SLX4IP: variants seen among roughly 807,000 people sequenced by gnomAD.
SLX4IP encodes protein SLX4IP.
In SLX4IP, 34 loss-of-function variants were observed where a neutral mutation model predicts 32.9. The ratio of observed to expected loss-of-function variants is 1.03; its 90% CI spans 0.79 to 1.38. The LOEUF is 1.38. Ranked by LOEUF, SLX4IP falls within the 40% of genes most tolerant of loss-of-function variation. SLX4IP has a pLI of 0.00. For synonymous variants in SLX4IP, 172 were observed against 171.7 expected (o/e 1.00, Z -0.01); for missense variants, 444 against 479.0 (o/e 0.93, Z 0.68).
intron 6 of SLX4IP, among the ~76,000 whole-genome samples, chr20:10,605,410 G>A (rs2066894609): frequency 6.6e-6 from 1 of 152,148 alleles, no homozygotes; most frequent in Non-Finnish European, 1.5e-5. Flanking sequence ...GCTGCTGAAG[G>A]ATATCCTGGT....
At chr20:10,564,873 A>G (rs945070030) in intron 4 of SLX4IP, among the ~76,000 whole-genome samples, 2 of 152,206 alleles carry the variant, frequency 1.3e-5, no homozygotes. Flanking sequence ...TAACCTTGCC[A>G]ATATTGGGTA....
At chr20:10,476,980 C>T (rs1320165602) in intron 2 of SLX4IP, among the ~76,000 whole-genome samples, 1 of 152,166 alleles carries the variant, frequency 6.6e-6, no homozygotes, top group African/African-American at 2.4e-5. Flanking sequence ...TTCAGCAAAA[C>T]CAAGAGTCTT....
intron 2 of SLX4IP, among the ~76,000 whole-genome samples, chr20:10,555,126 A>T (rs2122495493): frequency 6.6e-6 from 1 of 151,812 alleles, no homozygotes; most frequent in South Asian, 2.1e-4. Flanking sequence ...TTCACTTTAT[A>T]TTTACATCTG....
chr20:10,480,118 G>A (rs1189811442), intron 2 of SLX4IP, among the ~76,000 whole-genome samples: 1 of 152,170 alleles, frequency 6.6e-6, no homozygotes, highest in East Asian at 1.9e-4. Context: ...ACTCGGTTGG[G>A]TGCGGTGGCT....
chr20:10,589,829 A>T (rs1284064594), intron 4 of SLX4IP, among the ~76,000 whole-genome samples: 1 of 152,118 alleles, frequency 6.6e-6, no homozygotes, highest in Non-Finnish European at 1.5e-5. Flanking sequence ...CGAAAGTGAC[A>T]AAGGGTCTCT....
At chr20:10,536,574 C>T (rs1214609435) in intron 2 of SLX4IP, among the ~76,000 whole-genome samples, 1 of 152,160 alleles carries the variant, frequency 6.6e-6, no homozygotes, top group Non-Finnish European at 1.5e-5. Context: ...GGTCTGGCTC[C>T]CTTGGCAAAC....
chr20:10,508,575 A>G (rs1379834111), intron 2 of SLX4IP, among the ~76,000 whole-genome samples: 1 of 152,188 alleles, frequency 6.6e-6, no homozygotes, highest in Admixed American at 6.5e-5. Context: ...AACAGTTGCT[A>G]TATCCATTCA....
intron 6 of SLX4IP, among the ~76,000 whole-genome samples, chr20:10,606,833 C>A (rs1042199452): frequency 6.6e-6 from 1 of 151,870 alleles, no homozygotes; most frequent in Non-Finnish European, 1.5e-5. Flanking sequence ...GTGTTTCTGT[C>A]CATTTTTTTT....
chr20:10,524,666 G>T (rs1362323704), intron 2 of SLX4IP, among the ~76,000 whole-genome samples: 1 of 152,232 alleles, frequency 6.6e-6, no homozygotes, highest in East Asian at 1.9e-4. Context: ...AGCTACAAAA[G>T]TATTAGCTGA....
chr20:10,605,750 A>G (rs2066898886), intron 6 of SLX4IP, among the ~76,000 whole-genome samples: 1 of 152,204 alleles, frequency 6.6e-6, no homozygotes, highest in South Asian at 2.1e-4. Flanking sequence ...TAGGCCAGCC[A>G]TACAAGGCTA....
chr20:10,506,215 G>A (rs2065758643), intron 2 of SLX4IP, among the ~76,000 whole-genome samples: 1 of 152,226 alleles, frequency 6.6e-6, no homozygotes, highest in African/African-American at 2.4e-5. Context: ...ATTAGAGTCT[G>A]TAGTTGACTT....
chr20:10,619,221 T>C (rs2067077993), intron 6 of SLX4IP, among the ~76,000 whole-genome samples: 2 of 149,894 alleles, frequency 1.3e-5, no homozygotes, highest in South Asian at 4.2e-4. Flanking sequence ...TTTTTTCTTT[T>C]TTTTTTTTTT....
At chr20:10,515,585 C>G (rs757037666) in intron 2 of SLX4IP, among the ~76,000 whole-genome samples, 1 of 152,166 alleles carries the variant, frequency 6.6e-6, no homozygotes, top group African/African-American at 2.4e-5. Flanking sequence ...AAAACACTTA[C>G]AATTATAGTG....
chr20:10,515,823 A>T (rs1172542859), intron 2 of SLX4IP, among the ~76,000 whole-genome samples: 1 of 152,182 alleles, frequency 6.6e-6, no homozygotes, highest in Non-Finnish European at 1.5e-5. Flanking sequence ...AAGAGAGATA[A>T]AGTCTTTACA....
At chr20:10,501,283 G>A (rs540153499) in intron 2 of SLX4IP, among the ~76,000 whole-genome samples, 8 of 152,084 alleles carry the variant, frequency 5.3e-5, no homozygotes, top group South Asian at 2.1e-4. Flanking sequence ...AAAAATTTCC[G>A]CTATACTCCA....
At chr20:10,554,207 A>T (rs1028156485) in intron 2 of SLX4IP, among the ~76,000 whole-genome samples, 1 of 152,212 alleles carries the variant, frequency 6.6e-6, no homozygotes, top group Non-Finnish European at 1.5e-5. Flanking sequence ...AGATGGAACC[A>T]TACAGTATAT....
At chr20:10,537,331 G>A (rs2066056332) in intron 2 of SLX4IP, among the ~76,000 whole-genome samples, 1 of 152,056 alleles carries the variant, frequency 6.6e-6, no homozygotes, top group African/African-American at 2.4e-5. Flanking sequence ...TCTTTGGTTG[G>A]CACCTCTCTT....
intron 2 of SLX4IP, among the ~76,000 whole-genome samples, chr20:10,522,151 A>T (rs1784026617): frequency 6.6e-6 from 1 of 152,240 alleles, no homozygotes; most frequent in South Asian, 2.1e-4. Flanking sequence ...GATAATTATT[A>T]GTAAGATATA....
chr20:10,515,447 T>C (rs591076), intron 2 of SLX4IP, among the ~76,000 whole-genome samples: 90,664 of 152,014 alleles, frequency 0.6, 27,396 homozygotes, highest in South Asian at 0.75. Context: ...TGAAGTGATA[T>C]AGTTGCTTTC....
Sources: gnomAD v4.1 joint callset for allele counts (sites outside exome capture counted in the v4.1 genomes callset) on GRCh38, gnomAD v4.1.1 for gene constraint, MANE v1.5 for transcripts, NCBI Gene and HGNC (gene_info 2026-07-23, HGNC 2026-07-21) for gene names.